ACADS: variants seen among roughly 807,000 people sequenced by gnomAD.
The protein encoded by ACADS is acyl-CoA dehydrogenase short chain.
A neutral mutation model predicts 46.8 loss-of-function variants in ACADS; 28 were observed. The ratio of observed to expected loss-of-function variants is 0.60; its 90% CI spans 0.44 to 0.82. ACADS has a LOEUF of 0.82. Among genes scored for constraint, ACADS ranks in the 40% least tolerant of loss-of-function variants. The probability of loss-of-function intolerance (pLI) is 0.00; values close to 1 mark genes in which losing one functional copy is unlikely to be tolerated. For missense variants in ACADS, 528 were observed against 578.0 expected (o/e 0.91, Z 0.89); for synonymous variants, 236 against 237.7 (o/e 0.99, Z 0.07).
intron 2 of ACADS, among the ~76,000 whole-genome samples, chr12:120,736,390 G>T (rs1237879506): frequency 6.6e-6 from 1 of 152,192 alleles, no homozygotes; most frequent in South Asian, 2.1e-4. Context: ...CACACAGTCT[G>T]TGCCCTCGTG....
Position 120,735,286 on chromosome 12 carries a change from A to AG in ACADS, c.211-1700_211-1699insG, listed in dbSNP as rs1355468073. Among the ~76,000 whole-genome samples, 772 of 144,098 alleles carry AG rather than the reference A, an allele frequency of 5.4e-3. 14 individuals carry two copies. The highest frequency in any genetic ancestry group is 0.019 in the African/African-American group (672 of 35,980). The allele number at this position is 144,098 out of a possible 152,430, so 94.5% of individuals were successfully genotyped here. A position where few individuals can be genotyped will look rare whatever the true frequency, so the allele number is the denominator to read the frequency against. ...GACTCTGTTTCAAAAAAAAAAAAAA[A>AG]AAAGAAAAAAGAAACAAACAAAGTG... On this transcript the variant is annotated intron_variant, in intron 2 of 9. Coordinates refer to ENST00000242592, the MANE Select transcript of ACADS (RefSeq NM_000017.4).
chr12:120,736,486 G>A (rs1883440128), intron 2 of ACADS, among the ~76,000 whole-genome samples: 1 of 152,222 alleles, frequency 6.6e-6, no homozygotes, highest in South Asian at 2.1e-4. Context: ...AGGGACTGAA[G>A]GATTTGACTC....
At chr12:120,727,547 T>C (rs1313297109) in intron 2 of ACADS, among the ~76,000 whole-genome samples, 3 of 152,190 alleles carry the variant, frequency 2.0e-5, no homozygotes, top group Non-Finnish European at 2.9e-5. Flanking sequence ...TTCTTATTTA[T>C]TTTTTTGAGA....
chr12:120,725,966 A>C, intron 1 of ACADS, 35 bp downstream of exon 1: 1 of 1,512,182 alleles, frequency 6.6e-7, no homozygotes, highest in Non-Finnish European at 8.8e-7. Flanking sequence ...GCGGGGCTTC[A>C]GCCCGCGTCT....
intron 2 of ACADS, among the ~76,000 whole-genome samples, chr12:120,731,643 A>AT (rs900591922): frequency 2.0e-5 from 3 of 151,498 alleles, no homozygotes; most frequent in African/African-American, 7.3e-5. Context: ...ATTTTATTTT[A>AT]TTTTATTTTT....
intron 2 of ACADS, among the ~76,000 whole-genome samples, chr12:120,729,127 A>G (rs1883177912): frequency 1.3e-5 from 2 of 152,224 alleles, no homozygotes; most frequent in Non-Finnish European, 2.9e-5. Context: ...TCTGTAGAAA[A>G]TACTAAAATA....
At chr12:120,736,682 C>G (rs984628053) in intron 2 of ACADS, among the ~76,000 whole-genome samples, 1 of 152,138 alleles carries the variant, frequency 6.6e-6, no homozygotes, top group African/African-American at 2.4e-5. Flanking sequence ...CTGTCCTGCT[C>G]CTTACCTCTG....
In ACADS at chr12:120,735,372, A is replaced by AAAC. The variant is rs1193117132; in HGVS notation, c.211-1610_211-1608dup. ...TTAAAAAAAAAAAAAAAAAAAAAAAAAACAACTTGGCAGCCACTTGATGAT... is the reference window on the plus strand; with the variant it reads ...TTAAAAAAAAAAAAAAAAAAAAAAAAAACAACAACTTGGCAGCCACTTGATGAT... On this transcript the variant is annotated intron_variant, in intron 2 of 9. Coordinates refer to ENST00000242592, the MANE Select transcript of ACADS (RefSeq NM_000017.4). 1.9e-4 allele frequency among the ~76,000 whole-genome samples: 29 copies of AAAC among 150,206 alleles called. 1 individual carries two copies. The highest frequency in any genetic ancestry group is 6.3e-4 in the African/African-American group (26 of 40,962).
In ACADS at chr12:120,739,756, GC is replaced by G. The variant is rs1432433324; in HGVS notation, c.*311del. ...GGACACCTCAGTTGTCCTCCCGCGG[GC>G]CCTGGTGCCCTGGCATGAAGGCCCA... On this transcript the variant is annotated 3_prime_UTR_variant, in exon 10 of 10. Coordinates refer to ENST00000242592, the MANE Select transcript of ACADS (RefSeq NM_000017.4). The G allele has an allele frequency of 2.3e-6, 1 of 428,722 alleles. No individual in the cohort carries two copies. Among genetic ancestry groups the G allele is most frequent in the Non-Finnish European group, 4.3e-6 (1 of 231,844 alleles). 26.6% of individuals were successfully genotyped at this position (428,722 alleles called of 1,614,324 possible).
intron 2 of ACADS, among the ~76,000 whole-genome samples, chr12:120,735,430 A>G (rs181785822): frequency 4.0e-5 from 6 of 148,940 alleles, no homozygotes; most frequent in Admixed American, 4.0e-4. Context: ...AGCCTGGGCC[A>G]GGTGCTGGGC....
Position 120,739,741 on chromosome 12 carries a change from G to A in ACADS, c.*293G>A. 1 of 482,978 alleles carries A rather than the reference G, an allele frequency of 2.1e-6. No individual in the cohort carries two copies. The allele number at this position is 482,978 out of a possible 1,614,324, so 29.9% of individuals were successfully genotyped here. A position where few individuals can be genotyped will look rare whatever the true frequency, so the allele number is the denominator to read the frequency against. On this transcript the variant is annotated 3_prime_UTR_variant, in exon 10 of 10. Transcript: ENST00000242592. ...CTGAGCGACACTCAGGGACACCTCA[G>A]TTGTCCTCCCGCGGGCCCTGGTGCC...
intron 2 of ACADS, among the ~76,000 whole-genome samples, chr12:120,729,791 C>A (rs1883197777): frequency 6.6e-6 from 1 of 152,094 alleles, no homozygotes. Context: ...TGGGAAACAG[C>A]CCCTGTCACC....
In ACADS at chr12:120,738,429, G is replaced by A; in HGVS notation, c.774G>A (p.Gly258=). 2.5e-6 allele frequency: 4 copies of A among 1,611,890 alleles called. No homozygotes were observed. Among genetic ancestry groups the A allele is most frequent in the Non-Finnish European group, 3.4e-6 (4 of 1,179,992 alleles). Residue 258 remains glycine, a synonymous_variant, in exon 6 of 10, where the codon GGG becomes GGA. Transcript: ENST00000242592. ...IPKDSILGEP[G]MGFKIAMQTL... ...AGGACAGCATCCTGGGGGAGCCAGG[G>A]ATGGGCTTCAAGATAGCCATGGTGA...
At chr12:120,726,047 G>T in intron 1 of ACADS, 116 bp downstream of exon 1, 3 of 1,111,768 alleles carry the variant, frequency 2.7e-6, no homozygotes, top group Middle Eastern at 3.0e-4. Flanking sequence ...CACTCCGGGA[G>T]CGCTCACGGC....
intron 2 of ACADS, among the ~76,000 whole-genome samples, chr12:120,731,921 A>G (rs1883260374): frequency 6.6e-6 from 1 of 152,206 alleles, no homozygotes; most frequent in Non-Finnish European, 1.5e-5. Context: ...CTGAGTGGAT[A>G]CAGCACATGT....
chr12:120,739,279 C>A lies in ACADS; in HGVS notation c.1087-17C>A, dbSNP rs201218974. ...CGCCGGGGTCTTCTCCCTCCTGAGC[C>A]ACTGTTCTCATCTCAGGCCATCCAG... On this transcript the variant is annotated splice_polypyrimidine_tract_variant and intron_variant, in intron 9 of 9. Transcript: ENST00000242592. 714 of 1,613,024 alleles carry A rather than the reference C, an allele frequency of 4.4e-4. 3 individuals are homozygous for A. The African/African-American group carries it at 7.9e-3, about 18-fold the overall frequency.
intron 2 of ACADS, among the ~76,000 whole-genome samples, chr12:120,730,195 C>T (rs528962284): frequency 6.6e-6 from 1 of 152,268 alleles, no homozygotes; most frequent in East Asian, 1.9e-4. Flanking sequence ...GTTGGCCAGG[C>T]TGGTCTCGAA....
In ACADS at chr12:120,727,099, G is replaced by A; in HGVS notation, c.120G>A (p.Met40Ile). ...QSVELPETHQ[M>I]LLQTCRDFAE... is the part of the protein sequence containing the mutation. Reference sequence around the variant, plus strand: ...TGGAACTGCCCGAGACACACCAGATGTTGCTCCAGACATGCCGGGACTTTG... The same window carrying A: ...TGGAACTGCCCGAGACACACCAGATATTGCTCCAGACATGCCGGGACTTTG... The change falls in exon 2 of 10, where the codon ATG becomes ATA. Residue 40 changes from methionine (M) to isoleucine (I), a missense_variant. Met to Ile is a conservative substitution (Grantham distance 10). Transcript: ENST00000242592. 1 of 1,614,206 alleles carries A rather than the reference G, an allele frequency of 6.2e-7. No homozygotes were observed. The highest frequency in any genetic ancestry group is 8.5e-7 in the Non-Finnish European group (1 of 1,180,030).
rs531236703 is a variant in ACADS, at chr12:120,730,984, C to T, written c.210+3795C>T. On this transcript the variant is annotated intron_variant, in intron 2 of 9. Coordinates refer to ENST00000242592, the MANE Select transcript of ACADS (RefSeq NM_000017.4). ...TTTTTTTGAGACAGGGCCTCACTGT[C>T]GCCCAGGCTGGAGTGCAGTGACACA... Among the ~76,000 whole-genome samples the T allele has an allele frequency of 3.9e-5, 6 of 152,232 alleles. No individual in the cohort carries two copies. The South Asian group carries it at 1.0e-3, about 26-fold the overall frequency.
Sources: gnomAD v4.1 joint callset for allele counts (sites outside exome capture counted in the v4.1 genomes callset) on GRCh38, gnomAD v4.1.1 for gene constraint, MANE v1.5 for transcripts, NCBI Gene and HGNC (gene_info 2026-07-23, HGNC 2026-07-21) for gene names.